The following INPP5A variants were observed in gnomAD, a reference collection of about 807,000 sequenced individuals.
INPP5A encodes 43 kDa inositol polyphosphate 5-phophatase.
Under a neutral mutation model 65.2 loss-of-function variants are expected in INPP5A, and 14 were observed. The ratio of observed to expected loss-of-function variants is 0.21; its 90% CI spans 0.14 to 0.34. The LOEUF (loss-of-function observed/expected upper bound fraction) is 0.34, where lower values mean the gene tolerates loss of function less well. INPP5A is among the 10% of genes least tolerant of loss of function. INPP5A has a pLI of 1.00. For missense variants in INPP5A, 431 were observed against 545.6 expected, an observed-to-expected ratio of 0.79 and a Z score of 2.09; for synonymous variants, 207 against 208.3, an observed-to-expected ratio of 0.99 and a Z score of 0.05.
Position 132,575,210 on chromosome 10 carries a change from C to T in INPP5A, c.76-32705C>T, listed in dbSNP as rs148069321. Among the ~76,000 whole-genome samples, 647 of 152,338 alleles carry T rather than the reference C, an allele frequency of 4.2e-3. 2 individuals are homozygous for T. The highest frequency in any genetic ancestry group is 6.7e-3 in the Admixed American group (102 of 15,304). On this transcript the variant is annotated intron_variant, in intron 1 of 15. Transcript: ENST00000368594. The surrounding 1 kb of genome is among the most constrained non-coding windows in gnomAD (Gnocchi z 5.4). ...GGCGTTTGCACCGGCCTGGACACAT[C>T]GCAACCCTGACCTGTGTGCTGAAGG...
intron 1 of INPP5A, among the ~76,000 whole-genome samples, chr10:132,574,408 GT>G (rs2071390011): frequency 2.0e-5 from 3 of 150,392 alleles, no homozygotes; most frequent in Admixed American, 2.0e-4. Context: ...CCTGTGTGAG[GT>G]TTTGTTGAGA....
chr10:132,563,796 C>T (rs77874356), intron 1 of INPP5A, among the ~76,000 whole-genome samples: 10,995 of 152,186 alleles, frequency 0.072, 492 homozygotes, highest in South Asian at 0.11. Context: ...GAGACAGCCC[C>T]GGGGGATTTA....
At chr10:132,672,500 GT>G (rs2072903750) in intron 4 of INPP5A, among the ~76,000 whole-genome samples, 1 of 152,132 alleles carries the variant, frequency 6.6e-6, no homozygotes, top group Admixed American at 6.5e-5. Flanking sequence ...ACAAAGAGGA[GT>G]TTCCCTGCAC....
chr10:132,542,952 G>A (rs918961247), intron 1 of INPP5A, among the ~76,000 whole-genome samples: 1 of 152,078 alleles, frequency 6.6e-6, no homozygotes, highest in Non-Finnish European at 1.5e-5. Context: ...ACAGGTGCAC[G>A]CTACCACACC....
intron 1 of INPP5A, among the ~76,000 whole-genome samples, chr10:132,567,206 C>T (rs2071283871): frequency 6.6e-6 from 1 of 152,230 alleles, no homozygotes. Context: ...TCTCAGATGC[C>T]ACTGTCAGAT....
chr10:132,613,781 G>A (rs2071991985), intron 2 of INPP5A, among the ~76,000 whole-genome samples: 1 of 152,232 alleles, frequency 6.6e-6, no homozygotes, highest in Non-Finnish European at 1.5e-5. Context: ...GGCTGGATCA[G>A]ACACCTGGTG....
At chr10:132,658,454 A>G (rs948041996) in intron 4 of INPP5A, among the ~76,000 whole-genome samples, 1 of 152,080 alleles carries the variant, frequency 6.6e-6, no homozygotes, top group Non-Finnish European at 1.5e-5. Flanking sequence ...TGACTCTTTT[A>G]TTTCCTTCTA....
intron 11 of INPP5A, among the ~76,000 whole-genome samples, chr10:132,754,398 G>A (rs892399898): frequency 1.3e-5 from 2 of 152,220 alleles, no homozygotes; most frequent in African/African-American, 4.8e-5. Flanking sequence ...GAGCGATGGG[G>A]ATTCCCAGCC....
chr10:132,672,672 G>T (rs767852106), intron 4 of INPP5A, among the ~76,000 whole-genome samples: 1 of 152,174 alleles, frequency 6.6e-6, no homozygotes, highest in African/African-American at 2.4e-5. Flanking sequence ...TTTATCAGCA[G>T]TGTGAAAACA....
chr10:132,579,785 G>T (rs2071459025), intron 1 of INPP5A, among the ~76,000 whole-genome samples: 1 of 151,972 alleles, frequency 6.6e-6, no homozygotes. Flanking sequence ...GATTGAGCAG[G>T]TTTTTAATTC....
chr10:132,669,371 C>G (rs1789892161), intron 4 of INPP5A, among the ~76,000 whole-genome samples: 1 of 152,188 alleles, frequency 6.6e-6, no homozygotes, highest in South Asian at 2.1e-4. Flanking sequence ...TCCCTGGTGC[C>G]CACTGTGGCC....
chr10:132,575,765 G>T lies in INPP5A; in HGVS notation c.76-32150G>T, dbSNP rs979626221. Reference sequence around the variant, plus strand: ...TGTCCCTCTGGCCGTGGGCTCCCGCGTGGTGTGTGCGGCCCAGGGCCCTGG... The same window carrying T: ...TGTCCCTCTGGCCGTGGGCTCCCGCTTGGTGTGTGCGGCCCAGGGCCCTGG... On this transcript the variant is annotated intron_variant, in intron 1 of 15. Transcript: ENST00000368594. This position sits in a 1 kb window ranked among gnomAD's most constrained non-coding sequence, Gnocchi z 5.4. Among the ~76,000 whole-genome samples, 1 of 152,168 alleles carries T rather than the reference G, an allele frequency of 6.6e-6. No individual in the cohort carries two copies. Among genetic ancestry groups the T allele is most frequent in the African/African-American group, 2.4e-5 (1 of 41,436 alleles).
At chr10:132,625,962 G>C (rs1049806036) in intron 2 of INPP5A, among the ~76,000 whole-genome samples, 1 of 151,850 alleles carries the variant, frequency 6.6e-6, no homozygotes, top group Admixed American at 6.6e-5. Flanking sequence ...ATGTTTCTTC[G>C]ATTTTGACAA....
At chr10:132,557,406 T>C (rs2071141139) in intron 1 of INPP5A, among the ~76,000 whole-genome samples, 1 of 152,264 alleles carries the variant, frequency 6.6e-6, no homozygotes, top group Non-Finnish European at 1.5e-5. Flanking sequence ...GTCACCGTGC[T>C]GCAGAGGAGC....
At chr10:132,548,180 A>G (rs1484574969) in intron 1 of INPP5A, among the ~76,000 whole-genome samples, 5 of 151,590 alleles carry the variant, frequency 3.3e-5, no homozygotes, top group Non-Finnish European at 7.4e-5. Flanking sequence ...GTGCCCGGCC[A>G]TGGTGTCTTT....
intron 1 of INPP5A, among the ~76,000 whole-genome samples, chr10:132,578,697 T>A (rs2071442123): frequency 6.7e-6 from 1 of 149,954 alleles, no homozygotes; most frequent in Non-Finnish European, 1.5e-5. Context: ...GGGTCCGAGC[T>A]CCAGGACACC....
chr10:132,758,980 A>G (rs760217815), intron 11 of INPP5A, among the ~76,000 whole-genome samples: 26 of 152,366 alleles, frequency 1.7e-4, no homozygotes, highest in Non-Finnish European at 3.1e-4. Context: ...TTCCCTGTCA[A>G]TGCAAATCAT....
At position 132,703,505 on chromosome 10, in the gene INPP5A, CCACACACA is replaced by C. The variant is rs111386654; in HGVS notation, c.475-4796_475-4789del. On this transcript the variant is annotated intron_variant, in intron 6 of 15. Coordinates refer to ENST00000368594, the MANE Select transcript of INPP5A (RefSeq NM_005539.5). The stretch of plus-strand genomic sequence containing the variant: ...TTCACCCCCCACACAGTGTCTTCAC[CCACACACA>C]CACACACACACTCACATTTACCCAT... Among the ~76,000 whole-genome samples the C allele has an allele frequency of 1.1e-4, 16 of 139,612 alleles. No homozygotes were observed. The South Asian group carries it at 2.8e-3, about 25-fold the overall frequency. 91.6% of individuals were successfully genotyped at this position (139,612 alleles called of 152,430 possible). A position where few individuals can be genotyped will look rare whatever the true frequency, so the allele number is the denominator to read the frequency against.
chr10:132,711,814 G>C (rs1466989292), intron 8 of INPP5A, among the ~76,000 whole-genome samples: 1 of 152,236 alleles, frequency 6.6e-6, no homozygotes, highest in Non-Finnish European at 1.5e-5. Context: ...AACTGCCTGG[G>C]GCTGCACAGG....
Sources: allele counts gnomAD v4.1 joint callset (sites outside exome capture counted in the v4.1 genomes callset), GRCh38; gene constraint gnomAD v4.1.1; non-coding constraint Gnocchi (gnomAD v3.1); transcripts MANE v1.5; gene names NCBI Gene and HGNC (gene_info 2026-07-23, HGNC 2026-07-21).